Variants in MINAR1 observed in about 807,000 individuals in gnomAD.
MINAR1 encodes membrane integral NOTCH2 associated receptor 1.
A neutral mutation model predicts 65.1 loss-of-function variants in MINAR1; 40 were observed. That is an observed-to-expected ratio of 0.61 (90% confidence interval 0.48 to 0.80). The LOEUF (loss-of-function observed/expected upper bound fraction) is 0.80. MINAR1 is among the 30% of genes least tolerant of loss of function. The pLI is 0.00. For synonymous variants in MINAR1, 482 were observed against 449.1 expected (o/e 1.07, Z -0.93); for missense variants, 1,128 against 1,148.0 (o/e 0.98, Z 0.25).
rs377731083 is a variant in MINAR1, at chr15:79,456,342, C to T, written c.195C>T (p.Phe65=). ...CLDPNFPATL[F]KDKMKCTVNN... The stretch of plus-strand genomic sequence containing the variant: ...ATCCCAATTTTCCAGCCACGCTATT[C>T]AAAGACAAGATGAAATGCACTGTGA... The change falls in exon 2 of 4, where the codon TTC becomes TTT. Residue 65 remains phenylalanine (F), a synonymous_variant. Transcript: ENST00000305428. 10 of 1,614,094 alleles carry T rather than the reference C, an allele frequency of 6.2e-6. No homozygotes were observed. The highest frequency in any genetic ancestry group is 1.7e-5 in the Admixed American group (1 of 60,002).
Position 79,468,625 on chromosome 15 carries a change from C to A in MINAR1, c.*241C>A. 1 of 518,222 alleles carries A rather than the reference C, an allele frequency of 1.9e-6. No individual in the cohort carries two copies. The highest frequency in any genetic ancestry group is 3.4e-6 in the Non-Finnish European group (1 of 291,534). The allele number at this position is 518,222 out of a possible 1,614,324, so 32.1% of individuals were successfully genotyped here. On this transcript the variant is annotated 3_prime_UTR_variant, in exon 4 of 4. Transcript: ENST00000305428. The stretch of plus-strand genomic sequence containing the variant: ...TTTAGAAGTGCAATATCTTTTCCTA[C>A]CAAAAGAACATCATGGACTATCAAT...
At chr15:79,458,745 C>T (rs1047174840) in intron 2 of MINAR1, among the ~76,000 whole-genome samples, 4 of 152,172 alleles carry the variant, frequency 2.6e-5, no homozygotes, top group South Asian at 2.1e-4. Flanking sequence ...GAATGGGGAA[C>T]GTATCAGAGC....
Position 79,457,518 on chromosome 15 carries a change from C to CA in MINAR1, c.1373dup (p.Ser459GlufsTer3), listed in dbSNP as rs1245117447. The CA allele has an allele frequency of 6.2e-7, 1 of 1,614,052 alleles. No homozygotes were observed. Among genetic ancestry groups the CA allele is most frequent in the Non-Finnish European group, 8.5e-7 (1 of 1,180,032 alleles). The stretch of plus-strand genomic sequence containing the variant: ...ATGAACCAGTCAAAAAGTTTAAAGA[C>CA]AAGAGCATTAACTGCACCAGTGGGC... On this transcript the variant is annotated frameshift_variant, in exon 2 of 4. Coordinates refer to ENST00000305428, the MANE Select transcript of MINAR1 (RefSeq NM_015206.3). LOFTEE classifies it high-confidence loss of function.
At chr15:79,426,170 G>A in the MINAR1 span, 1 of 152,910 alleles carries the variant, frequency 6.5e-6, no homozygotes, top group African/African-American at 2.4e-5. Context: ...GGAACTGAAG[G>A]AAACTGGGGG....
intron 1 of MINAR1, among the ~76,000 whole-genome samples, chr15:79,442,366 A>T (rs933737665): frequency 6.6e-6 from 1 of 152,104 alleles, no homozygotes; most frequent in Non-Finnish European, 1.5e-5. Context: ...TTGAGTTGAA[A>T]GGCCACCTTT....
chr15:79,443,208 G>C (rs1422353429), intron 1 of MINAR1, among the ~76,000 whole-genome samples: 1 of 152,184 alleles, frequency 6.6e-6, no homozygotes, highest in Non-Finnish European at 1.5e-5. Flanking sequence ...AAATGGTGAG[G>C]TGACCCCTGA....
At chr15:79,463,801 C>A in intron 3 of MINAR1, 1 of 452,666 alleles carries the variant, frequency 2.2e-6, no homozygotes. Context: ...GCAGTTGTGG[C>A]TGGAGGGCAT....
At chr15:79,428,490 CT>C (rs1221649630), upstream of MINAR1, among the ~76,000 whole-genome samples, 78 of 142,326 alleles carry the variant, frequency 5.5e-4, no homozygotes, top group Non-Finnish European at 9.3e-4. Context: ...TTTCTTCCCC[CT>C]CCCTCCCTCC....
upstream of MINAR1, among the ~76,000 whole-genome samples, chr15:79,428,844 A>G (rs1386771322): frequency 6.6e-6 from 1 of 152,130 alleles, no homozygotes; most frequent in African/African-American, 2.4e-5. Flanking sequence ...AAAAAGTATT[A>G]ATGTGTCAGT....
At chr15:79,454,107 T>C (rs1895331868) in intron 1 of MINAR1, among the ~76,000 whole-genome samples, 1 of 152,166 alleles carries the variant, frequency 6.6e-6, no homozygotes, top group South Asian at 2.1e-4. Flanking sequence ...GCCAGAACAT[T>C]TGGACACAGA....
upstream of MINAR1, among the ~76,000 whole-genome samples, chr15:79,427,880 T>C (rs1216774948): frequency 1.3e-5 from 2 of 152,112 alleles, no homozygotes; most frequent in East Asian, 1.9e-4. Flanking sequence ...GAAATACAGA[T>C]ACAGGATTCT....
chr15:79,426,832 C>T, the MINAR1 span: 3 of 152,232 alleles, frequency 2.0e-5, no homozygotes, highest in Non-Finnish European at 2.9e-5. Flanking sequence ...CAGAAGAACT[C>T]AGTTCTAGTT....
chr15:79,437,634 GGGTAGTGAGGGTGTGGGTGTGTGTA>G (rs2141275539), intron 1 of MINAR1, among the ~76,000 whole-genome samples: 2 of 141,534 alleles, frequency 1.4e-5, no homozygotes, highest in Non-Finnish European at 3.1e-5. Flanking sequence ...AGGTGTGAGT[GGGTAGTGAGGGTGTGGGTGTGTGTA>G]GGTAGTGTGT....
chr15:79,469,541 C>G lies in MINAR1; in HGVS notation c.*1157C>G, dbSNP rs1446668406. 34 of 151,448 alleles carry G rather than the reference C, an allele frequency of 2.2e-4. 1 individual carries two copies. Among genetic ancestry groups the G allele is most frequent in the Admixed American group, 2.2e-3 (34 of 15,206 alleles). The allele number at this position is 151,448 out of a possible 1,614,324, so 9.4% of individuals were successfully genotyped here. Reference sequence around the variant, plus strand: ...TCTGTTTAACCACTTATCTATATGTCTATCTATCTATCTATATGTCTATCT... The same window carrying G: ...TCTGTTTAACCACTTATCTATATGTGTATCTATCTATCTATATGTCTATCT... On this transcript the variant is annotated 3_prime_UTR_variant, in exon 4 of 4. Transcript: ENST00000305428.
intron 1 of MINAR1, among the ~76,000 whole-genome samples, chr15:79,453,423 T>C (rs1437299928): frequency 7.0e-6 from 1 of 142,730 alleles, no homozygotes; most frequent in African/African-American, 2.4e-5. Flanking sequence ...CTCTCTGAGT[T>C]CCTCAGTTTC....
intron 2 of MINAR1, among the ~76,000 whole-genome samples, chr15:79,459,205 A>G (rs994378382): frequency 6.6e-6 from 1 of 152,206 alleles, no homozygotes; most frequent in Non-Finnish European, 1.5e-5. Flanking sequence ...AAAGTCATTC[A>G]TAGTTCCACC....
At chr15:79,411,530 G>A in the MINAR1 span, 7 of 701,186 alleles carry the variant, frequency 1.0e-5, no homozygotes, top group African/African-American at 3.5e-5. Context: ...GAGGCACTGA[G>A]AGTGGATGGA....
upstream of MINAR1, among the ~76,000 whole-genome samples, chr15:79,428,157 CTTCT>C (rs1212092494): frequency 6.6e-6 from 1 of 151,300 alleles, no homozygotes; most frequent in African/African-American, 2.4e-5. Context: ...TCCTTCCTTC[CTTCT>C]CTCCCTCCTT....
At chr15:79,447,148 A>C (rs911303614) in intron 1 of MINAR1, among the ~76,000 whole-genome samples, 5 of 152,148 alleles carry the variant, frequency 3.3e-5, no homozygotes, top group Non-Finnish European at 1.5e-5. Flanking sequence ...TCAGCCTCCC[A>C]AAGCTCTGGG....
Sources: allele counts gnomAD v4.1 joint callset (sites outside exome capture counted in the v4.1 genomes callset), GRCh38; gene constraint gnomAD v4.1.1; transcripts MANE v1.5; gene names NCBI Gene and HGNC (gene_info 2026-07-23, HGNC 2026-07-21).